RPS29: variants seen among roughly 807,000 people sequenced by gnomAD.
The protein encoded by RPS29 is ribosomal protein S29, also known as small ribosomal subunit protein uS14.
For synonymous variants in RPS29, 37 were observed against 26.9 expected, an observed-to-expected ratio of 1.37 and a Z score of -1.16; for missense variants, 60 against 75.7, an observed-to-expected ratio of 0.79 and a Z score of 0.77.
chr14:49,587,393 C>A (rs977821579), upstream of RPS29, among the ~76,000 whole-genome samples: 8 of 152,170 alleles, frequency 5.3e-5, no homozygotes, highest in Admixed American at 5.2e-4. Flanking sequence ...ATAATGCCTC[C>A]AGATAAAACT....
At chr14:49,585,700 C>G (rs1452345193) in intron 2 of RPS29, 1 of 495,794 alleles carries the variant, frequency 2.0e-6, no homozygotes, top group African/African-American at 1.9e-5. Flanking sequence ...GCACCTAAAA[C>G]TGGCTAAGCT....
At chr14:49,577,339 T>G (rs1881211013) in exon 3 of RPS29, 1 of 161,796 alleles carries the variant, frequency 6.2e-6, no homozygotes, top group Non-Finnish European at 1.3e-5. Context: ...GTTTTTGTTT[T>G]TACAGTTTTA....
intron 1 of RPS29, among the ~76,000 whole-genome samples, chr14:49,594,512 A>G (rs951499757): frequency 6.6e-5 from 10 of 152,214 alleles, no homozygotes; most frequent in Non-Finnish European, 1.0e-4. Context: ...TGGAAACACA[A>G]TCTATAAGAC....
chr14:49,572,570 A>C (rs1404822808), exon 3 of RPS29: 1 of 152,200 alleles, frequency 6.6e-6, no homozygotes, highest in South Asian at 2.1e-4. Flanking sequence ...ATAGCTTTTA[A>C]CTCAGTGGTG....
At chr14:49,586,631 C>CTG (rs1881574395), upstream of RPS29, 1 of 456,136 alleles carries the variant, frequency 2.2e-6, no homozygotes, top group Non-Finnish European at 4.1e-6. Context: ...GAGGCTGAGG[C>CTG]TGGAGGATCG....
At chr14:49,585,599 A>T in intron 2 of RPS29, 2 of 378,922 alleles carry the variant, frequency 5.3e-6, no homozygotes, top group East Asian at 3.9e-5. Flanking sequence ...AAAAAAAAAG[A>T]GAATAGGTAC....
chr14:49,586,997 T>G (rs566685620), upstream of RPS29: 45 of 152,740 alleles, frequency 2.9e-4, no homozygotes, highest in African/African-American at 1.0e-3. Context: ...GAAAGGAGTT[T>G]TTCCTCGACT....
At position 49,578,559 on chromosome 14, in the gene RPS29, C is replaced by CTTTTTTTTTTT. The variant is rs60555753; in HGVS notation, c.163-717_163-707dup. Among the ~76,000 whole-genome samples the CTTTTTTTTTTT allele has an allele frequency of 3.8e-4, 39 of 103,444 alleles. 5 individuals are homozygous for CTTTTTTTTTTT. Among genetic ancestry groups the CTTTTTTTTTTT allele is most frequent in the Non-Finnish European group, 4.3e-4 (24 of 55,244 alleles). The allele number at this position is 103,444 out of a possible 152,430, so 67.9% of individuals were successfully genotyped here. Reference sequence around the variant, plus strand: ...CTACCAATATTTACCAAAGCTTTCACTTTTTTTTTTTTTTTTTTTGAGACA... The same window carrying CTTTTTTTTTTT: ...CTACCAATATTTACCAAAGCTTTCACTTTTTTTTTTTTTTTTTTTTTTTTTTTTTTGAGACA... On this transcript the variant is annotated intron_variant, in intron 2 of 2. Coordinates refer to the RPS29 transcript ENST00000396020.
exon 3 of RPS29, chr14:49,577,823 G>T: frequency 6.2e-7 from 1 of 1,602,956 alleles, no homozygotes; most frequent in East Asian, 2.3e-5. Context: ...CACCTCCATA[G>T]GCAGTGCCAA....
chr14:49,596,032 G>A (rs1402777255), intron 1 of RPS29, among the ~76,000 whole-genome samples: 1 of 149,988 alleles, frequency 6.7e-6, no homozygotes, highest in Non-Finnish European at 1.5e-5. Flanking sequence ...AGGGAGGGAG[G>A]GAGGGAGGGA....
intron 2 of RPS29, chr14:49,577,946 CATGTT>C: frequency 1.2e-6 from 1 of 824,326 alleles, no homozygotes; most frequent in Non-Finnish European, 2.0e-6. Context: ...CCCTGTGAAA[CATGTT>C]ATGTCACTAT....
exon 1 of RPS29, chr14:49,598,606 G>A (rs1881895566): frequency 2.9e-6 from 2 of 701,632 alleles, no homozygotes; most frequent in South Asian, 3.0e-5. Flanking sequence ...AGGCACACCT[G>A]CCTTCCCTCG....
chr14:49,598,086 G>T, intron 1 of RPS29: 1 of 324,080 alleles, frequency 3.1e-6, no homozygotes. Flanking sequence ...CAGTTGTATT[G>T]AAAAATCGGT....
chr14:49,579,530 T>C (rs1881278247), downstream of RPS29, among the ~76,000 whole-genome samples: 1 of 152,230 alleles, frequency 6.6e-6, no homozygotes, highest in South Asian at 2.1e-4. Context: ...TGCAAGACCC[T>C]GTCTCTACAA....
intron 1 of RPS29, among the ~76,000 whole-genome samples, chr14:49,591,605 C>A (rs952321091): frequency 3.3e-5 from 5 of 151,436 alleles, no homozygotes; most frequent in African/African-American, 1.2e-4. Flanking sequence ...AGCCACCATG[C>A]CTGGCCCAAT....
At chr14:49,581,225 T>A (rs1274057091), downstream of RPS29, among the ~76,000 whole-genome samples, 1 of 152,088 alleles carries the variant, frequency 6.6e-6, no homozygotes, top group Non-Finnish European at 1.5e-5. Flanking sequence ...CAAAGATAAT[T>A]TAGCTGCAAC....
chr14:49,583,663 G>T lies in RPS29; in HGVS notation c.*4C>A. ...CCCCGGATAATCCTCTGAAGGAAGA[G>T]CATTTAGTCCAACTGAAAAAAAAAA... On this transcript the variant is annotated 3_prime_UTR_variant, in exon 3 of 3. Transcript: ENST00000245458. 1.3e-6 allele frequency: 2 copies of T among 1,563,366 alleles called. No individual in the cohort carries two copies. Among genetic ancestry groups the T allele is most frequent in the Non-Finnish European group, 8.7e-7 (1 of 1,143,360 alleles).
chr14:49,577,317 CT>C (rs1881209915), exon 3 of RPS29: 1 of 160,162 alleles, frequency 6.2e-6, no homozygotes, highest in Admixed American at 6.4e-5. Context: ...GCCAGGGTCT[CT>C]GGTTTTTGTT....
At chr14:49,585,679 C>A in intron 2 of RPS29, 1 of 456,702 alleles carries the variant, frequency 2.2e-6, no homozygotes, top group Non-Finnish European at 3.9e-6. Context: ...TTTCACCAAA[C>A]ACAATACACG....
Sources: allele counts gnomAD v4.1 joint callset (sites outside exome capture counted in the v4.1 genomes callset), GRCh38; gene constraint gnomAD v4.1.1; transcripts MANE v1.5; gene names NCBI Gene and HGNC (gene_info 2026-07-23, HGNC 2026-07-21).